The following ZNF423 variants were observed in gnomAD, a reference collection of about 807,000 sequenced individuals.
ZNF423 encodes Ebf-associated zinc finger protein.
A neutral mutation model predicts 95.8 loss-of-function variants in ZNF423; 12 were observed. The observed-to-expected ratio is 0.13, with a 90% CI of 0.08 to 0.20. ZNF423 has a LOEUF of 0.20. Ranked by LOEUF, ZNF423 falls within the 10% of genes least tolerant of loss-of-function variation. The pLI is 1.00. For missense variants in ZNF423, 1,316 were observed against 1,737.1 expected (o/e 0.76, Z 4.31); for synonymous variants, 749 against 711.9 (o/e 1.05, Z -0.83).
At chr16:49,806,778 C>T (rs901557651) in intron 1 of ZNF423, among the ~76,000 whole-genome samples, 10 of 151,894 alleles carry the variant, frequency 6.6e-5, no homozygotes, top group African/African-American at 2.2e-4. Flanking sequence ...CCTGTAATCC[C>T]AGCACTTTGG....
At chr16:49,764,702 G>A (rs7499340) in intron 2 of ZNF423, 24,439 of 151,994 alleles carry the variant, frequency 0.16, 2,048 homozygotes, top group South Asian at 0.26. Flanking sequence ...CTGGATCGGC[G>A]GGGCTGCTGA....
In ZNF423 at chr16:49,642,041, T is replaced by A. The variant is rs768042408; in HGVS notation, c.302-3167A>T. On this transcript the variant is annotated intron_variant, in intron 3 of 7. Coordinates refer to ENST00000563137, the MANE Select transcript of ZNF423 (RefSeq NM_001379286.1). ...TAAAGTTGTTAAACAAAAGCACTAT[T>A]TTGCCAATAATAAGAATTAGTACTA... Among the ~76,000 whole-genome samples the A allele has an allele frequency of 1.4e-3, 207 of 152,340 alleles. 4 individuals are homozygous for A. The highest frequency in any genetic ancestry group is 4.1e-4 in the Non-Finnish European group (28 of 68,022).
At chr16:49,832,071 C>T (rs895617685) in intron 1 of ZNF423, among the ~76,000 whole-genome samples, 3 of 151,980 alleles carry the variant, frequency 2.0e-5, no homozygotes, top group Admixed American at 1.3e-4. Context: ...AAAGTGGAGG[C>T]TCCATAAAGG....
At chr16:49,852,910 C>G (rs918341667) in intron 1 of ZNF423, among the ~76,000 whole-genome samples, 1 of 152,178 alleles carries the variant, frequency 6.6e-6, no homozygotes, top group Non-Finnish European at 1.5e-5. Context: ...TGAGACCACC[C>G]CAGCCCCCAG....
At chr16:49,785,115 C>T (rs1447070708) in intron 2 of ZNF423, among the ~76,000 whole-genome samples, 2 of 152,084 alleles carry the variant, frequency 1.3e-5, no homozygotes, top group African/African-American at 2.4e-5. Flanking sequence ...ATCACTCTGT[C>T]ACCCAGGCTG....
chr16:49,580,905 G>A (rs1474039814), intron 5 of ZNF423, among the ~76,000 whole-genome samples: 1 of 152,188 alleles, frequency 6.6e-6, no homozygotes, highest in Non-Finnish European at 1.5e-5. Context: ...AGAGTTCACA[G>A]GACCCACCAG....
chr16:49,856,460 C>T (rs1211180195), upstream of ZNF423, among the ~76,000 whole-genome samples: 3 of 149,594 alleles, frequency 2.0e-5, no homozygotes, highest in African/African-American at 7.3e-5. Context: ...CGAATTATCC[C>T]CTGCCGCACA....
rs766749275 is a variant in ZNF423 at position 49,590,963 on chromosome 16, C to T, written c.3601+35207G>A. On this transcript the variant is annotated intron_variant, in intron 5 of 7. Coordinates refer to ENST00000563137, the MANE Select transcript of ZNF423 (RefSeq NM_001379286.1). The stretch of plus-strand genomic sequence containing the variant: ...ATAGTGACACTACTAAAAGCTCCAA[C>T]GGGAAATTTAAACTGTGGCACTTCT... Among the ~76,000 whole-genome samples, 14 of 152,132 alleles carry T rather than the reference C, an allele frequency of 9.2e-5. 1 individual carries two copies. Among genetic ancestry groups the T allele is most frequent in the Admixed American group, 3.9e-4 (6 of 15,270 alleles).
At chr16:49,653,968 C>A (rs141544101) in intron 3 of ZNF423, among the ~76,000 whole-genome samples, 6 of 152,354 alleles carry the variant, frequency 3.9e-5, no homozygotes, top group African/African-American at 1.2e-4. Flanking sequence ...TGTGGCCAGA[C>A]ACAGTGCCAA....
intron 1 of ZNF423, among the ~76,000 whole-genome samples, chr16:49,832,595 G>A (rs1399453543): frequency 6.6e-6 from 1 of 152,208 alleles, no homozygotes; most frequent in East Asian, 1.9e-4. Context: ...ACAGCCAAAA[G>A]ATGCAGGAGC....
At chr16:49,509,369 A>G (rs1406283039) in intron 7 of ZNF423, among the ~76,000 whole-genome samples, 2 of 152,164 alleles carry the variant, frequency 1.3e-5, no homozygotes, top group East Asian at 3.8e-4. Flanking sequence ...CAGTCCGTCC[A>G]TGATTGATTC....
rs1972828530 is a variant in ZNF423 at position 49,638,225 on chromosome 16, T to C, written c.951A>G (p.Thr317=). The change falls in exon 4 of 8, where the codon ACA becomes ACG. Residue 317 remains threonine, a synonymous_variant. Coordinates refer to ENST00000563137, the MANE Select transcript of ZNF423 (RefSeq NM_001379286.1). The surrounding 1 kb of genome is among the most constrained non-coding windows in gnomAD (Gnocchi z 5.6). ...GGGCTTGGTGGATATGGGCGAGCAG[T>C]GTGTTCTCGTCGACGAAGACCTCAG... ...HCPEVFVDEN[T]LLAHIHQAHA... 1.9e-6 allele frequency: 3 copies of C among 1,609,154 alleles called. No homozygotes were observed. The South Asian group carries it at 3.3e-5, about 18-fold the overall frequency.
chr16:49,839,484 C>G (rs574732545), intron 1 of ZNF423, among the ~76,000 whole-genome samples: 2 of 152,312 alleles, frequency 1.3e-5, no homozygotes, highest in African/African-American at 4.8e-5. Context: ...TGCCGGGTGG[C>G]GCTCACAGCA....
chr16:49,584,154 TGA>T lies in ZNF423; in HGVS notation c.3601+42014_3601+42015del, dbSNP rs1296706758. On this transcript the variant is annotated intron_variant, in intron 5 of 7. Transcript: ENST00000563137. The stretch of plus-strand genomic sequence containing the variant: ...ACCTCTCCCACACTTCCCATGAAAA[TGA>T]GAGTTATAGCTGGTTGGTGCAAGGG... Among the ~76,000 whole-genome samples the T allele has an allele frequency of 4.6e-5, 7 of 152,184 alleles. No individual in the cohort carries two copies. In the East Asian group the frequency reaches 9.7e-4, roughly 21 times the overall value.
chr16:49,508,248 G>T (rs1052150718), intron 7 of ZNF423, among the ~76,000 whole-genome samples: 1 of 152,156 alleles, frequency 6.6e-6, no homozygotes, highest in Non-Finnish European at 1.5e-5. Flanking sequence ...CCAGCTAGGC[G>T]CATGGCTCAT....
At chr16:49,833,168 G>T in intron 1 of ZNF423, among the ~76,000 whole-genome samples, 1 of 152,314 alleles carries the variant, frequency 6.6e-6, no homozygotes, top group South Asian at 2.1e-4. Flanking sequence ...AGGTTTATCC[G>T]CTTTCACAAG....
At chr16:49,538,599 T>C (rs994527514) in intron 5 of ZNF423, among the ~76,000 whole-genome samples, 5 of 152,198 alleles carry the variant, frequency 3.3e-5, no homozygotes, top group Non-Finnish European at 5.9e-5. Context: ...TGCACTCTTC[T>C]GCCAGGTGGC....
chr16:49,521,670 C>T (rs554830993), intron 7 of ZNF423, among the ~76,000 whole-genome samples: 2 of 152,348 alleles, frequency 1.3e-5, no homozygotes, highest in South Asian at 4.1e-4. Context: ...CTCTGTCCCA[C>T]GTTGTGACAA....
chr16:49,806,675 C>T lies in ZNF423; in HGVS notation c.41-17129G>A, dbSNP rs755281392. The stretch of plus-strand genomic sequence containing the variant: ...GGTTCTGAACACACAGATCACCCAT[C>T]CATCTCTCTTTTTACACATTGCTCT... On this transcript the variant is annotated intron_variant, in intron 1 of 7. Coordinates refer to ENST00000563137, the MANE Select transcript of ZNF423 (RefSeq NM_001379286.1). Among the ~76,000 whole-genome samples the T allele has an allele frequency of 2.0e-5, 3 of 151,906 alleles. No homozygotes were observed. In the East Asian group the frequency reaches 5.8e-4, roughly 29 times the overall value.
Sources: allele counts gnomAD v4.1 joint callset (sites outside exome capture counted in the v4.1 genomes callset), GRCh38; gene constraint gnomAD v4.1.1; non-coding constraint Gnocchi (gnomAD v3.1); transcripts MANE v1.5; gene names NCBI Gene and HGNC (gene_info 2026-07-23, HGNC 2026-07-21).